The following WASF3 variants were observed in gnomAD, a reference collection of about 807,000 sequenced individuals.
The protein encoded by WASF3 is actin-binding protein WASF3.
Under a neutral mutation model 46.6 loss-of-function variants are expected in WASF3, and 11 were observed. The ratio of observed to expected loss-of-function variants is 0.24; its 90% CI spans 0.15 to 0.39. The LOEUF (loss-of-function observed/expected upper bound fraction) is 0.39. Among genes scored for constraint, WASF3 ranks in the 10% least tolerant of loss-of-function variants. The pLI is 1.00. For synonymous variants in WASF3, 242 were observed against 259.7 expected, an observed-to-expected ratio of 0.93 and a Z score of 0.65; for missense variants, 576 against 669.8, an observed-to-expected ratio of 0.86 and a Z score of 1.55.
intron 1 of WASF3, among the ~76,000 whole-genome samples, chr13:26,582,570 G>A (rs1360728621): frequency 4.6e-5 from 7 of 150,956 alleles, no homozygotes; most frequent in East Asian, 3.9e-4. Context: ...CCAGTTACTC[G>A]GGAGGCTGAG....
the WASF3 span, among the ~76,000 whole-genome samples, chr13:26,546,871 G>A: frequency 2.0e-5 from 3 of 152,202 alleles, no homozygotes; most frequent in African/African-American, 7.2e-5. Context: ...AAGAGGTGAA[G>A]CTGAGGCCAT....
At chr13:26,647,775 A>G (rs1335911576) in intron 3 of WASF3, among the ~76,000 whole-genome samples, 1 of 152,114 alleles carries the variant, frequency 6.6e-6, no homozygotes, top group African/African-American at 2.4e-5. Flanking sequence ...AAAAAAAAAA[A>G]TTTGGCGACA....
At chr13:26,603,471 A>G (rs1021909309) in intron 1 of WASF3, among the ~76,000 whole-genome samples, 1 of 152,194 alleles carries the variant, frequency 6.6e-6, no homozygotes, top group African/African-American at 2.4e-5. Flanking sequence ...GGATATAGGC[A>G]TGGGAGAAAG....
chr13:26,570,234 G>T (rs1392298185), intron 1 of WASF3, among the ~76,000 whole-genome samples: 4 of 152,306 alleles, frequency 2.6e-5, no homozygotes, highest in Middle Eastern at 3.4e-3. Context: ...GTTGCAGTGA[G>T]CTGAGATCCT....
chr13:26,670,459 T>G lies in WASF3; in HGVS notation c.423-1413T>G, dbSNP rs575687779. ...CATATACCTGTGTAACAAACCTACA[T>G]GTTCTAAACATGTATCCCAGAACTT... On this transcript the variant is annotated intron_variant, in intron 5 of 9. Transcript: ENST00000335327. Among the ~76,000 whole-genome samples the G allele has an allele frequency of 4.6e-5, 7 of 152,268 alleles. No individual in the cohort carries two copies. In the South Asian group the frequency reaches 1.2e-3, roughly 27 times the overall value.
chr13:26,563,654 C>CAAAAAAA (rs34374716), intron 1 of WASF3, among the ~76,000 whole-genome samples: 18 of 46,976 alleles, frequency 3.8e-4, no homozygotes, highest in East Asian at 7.3e-4. Context: ...GACTCCATCT[C>CAAAAAAA]AAAAAAAAAA....
In WASF3 at chr13:26,557,688, C is replaced by T. The variant is rs1057195576; in HGVS notation, c.-240C>T. The T allele has an allele frequency of 6.1e-5, 10 of 165,112 alleles. No individual in the cohort carries two copies. Among genetic ancestry groups the T allele is most frequent in the Non-Finnish European group, 1.2e-4 (9 of 77,410 alleles). The allele number at this position is 165,112 out of a possible 1,614,324, so 10.2% of individuals were successfully genotyped here. On this transcript the variant is annotated 5_prime_UTR_variant, in exon 1 of 10. In the 5' UTR this introduces an upstream ATG that the reference lacks. Coordinates refer to ENST00000335327, the MANE Select transcript of WASF3 (RefSeq NM_006646.6). ...GAGGGGGCGTGGCCGCGGCCGTGGA[C>T]GGGCCGGAGGCGGCGTCGCTCGCGC...
At chr13:26,547,187 T>C in the WASF3 span, among the ~76,000 whole-genome samples, 3 of 152,186 alleles carry the variant, frequency 2.0e-5, no homozygotes, top group Non-Finnish European at 4.4e-5. Context: ...TTCAACCTTA[T>C]TTCACAAATA....
chr13:26,684,469 A>AG (rs1294259308), intron 9 of WASF3, among the ~76,000 whole-genome samples: 18 of 84,200 alleles, frequency 2.1e-4, no homozygotes, highest in African/African-American at 1.2e-3. Context: ...ACATTAACAA[A>AG]ATTGACAACC....
chr13:26,555,487 T>C (rs1223231952), upstream of WASF3, among the ~76,000 whole-genome samples: 1 of 152,086 alleles, frequency 6.6e-6, no homozygotes, highest in African/African-American at 2.4e-5. Context: ...GGTGGTCATG[T>C]GACATGTGGC....
At chr13:26,645,447 A>G (rs895117494) in intron 3 of WASF3, among the ~76,000 whole-genome samples, 1 of 152,142 alleles carries the variant, frequency 6.6e-6, no homozygotes, top group Non-Finnish European at 1.5e-5. Flanking sequence ...TGTGACACTG[A>G]ATTACTGATT....
At chr13:26,619,937 G>T (rs1304016719) in intron 2 of WASF3, among the ~76,000 whole-genome samples, 4 of 152,122 alleles carry the variant, frequency 2.6e-5, no homozygotes, top group Non-Finnish European at 4.4e-5. Flanking sequence ...ATCCTGGTAA[G>T]ACACAGAAAT....
intron 2 of WASF3, among the ~76,000 whole-genome samples, chr13:26,628,887 T>G (rs933375873): frequency 2.0e-5 from 3 of 152,208 alleles, no homozygotes; most frequent in Non-Finnish European, 2.9e-5. Context: ...GTCCTCCTCC[T>G]TGGGATCCCA....
chr13:26,668,440 C>A (rs1286389024), intron 5 of WASF3, among the ~76,000 whole-genome samples: 2 of 152,202 alleles, frequency 1.3e-5, no homozygotes, highest in African/African-American at 4.8e-5. Context: ...CTGACAAGCA[C>A]AGGCTGTGGT....
chr13:26,658,677 T>C (rs535702359), intron 3 of WASF3, among the ~76,000 whole-genome samples: 1 of 152,328 alleles, frequency 6.6e-6, no homozygotes, highest in Admixed American at 6.5e-5. Context: ...AGCTGATAGT[T>C]GTTGAGCACT....
chr13:26,553,141 C>G (rs575013355), upstream of WASF3, among the ~76,000 whole-genome samples: 1 of 152,188 alleles, frequency 6.6e-6, no homozygotes. Context: ...GCCCTGTGGG[C>G]CCCGGACTGG....
intron 1 of WASF3, among the ~76,000 whole-genome samples, chr13:26,604,844 T>C (rs1880746222): frequency 6.6e-6 from 1 of 152,192 alleles, no homozygotes; most frequent in Admixed American, 6.5e-5. Context: ...GTAATCTTTG[T>C]GGGGTCAAGA....
intron 5 of WASF3, among the ~76,000 whole-genome samples, chr13:26,667,917 T>G (rs1488902322): frequency 6.6e-6 from 1 of 152,214 alleles, no homozygotes; most frequent in East Asian, 1.9e-4. Context: ...GAGTTCTGAT[T>G]TTAACTTTTA....
At position 26,681,340 on chromosome 13, in the gene WASF3, A is replaced by AAT; in HGVS notation, c.983+20_983+21insAT. On this transcript the variant is annotated intron_variant, in intron 8 of 9. Transcript: ENST00000335327. ...CTACGGGTAACTCAGCATGCCTTGT[A>AAT]CCCTAATCCCTCCTGGCCTTGCATT... 6.5e-7 allele frequency: 1 copy of AAT among 1,546,238 alleles called. No homozygotes were observed.
Sources: gnomAD v4.1 joint callset for allele counts (sites outside exome capture counted in the v4.1 genomes callset) on GRCh38, gnomAD v4.1.1 for gene constraint, MANE v1.5 for transcripts, NCBI Gene and HGNC (gene_info 2026-07-23, HGNC 2026-07-21) for gene names.